The following RCOR1 variants were observed in gnomAD, a reference collection of about 807,000 sequenced individuals.
RCOR1 encodes REST corepressor.
RCOR1 carries 12 observed loss-of-function variants against 64.0 expected under a neutral mutation model. The ratio of observed to expected loss-of-function variants is 0.19; its 90% CI spans 0.12 to 0.30. The LOEUF is 0.30. Ranked by LOEUF, RCOR1 falls within the 10% of genes least tolerant of loss-of-function variation. The probability of loss-of-function intolerance (pLI) is 1.00; values close to 1 mark genes in which losing one functional copy is unlikely to be tolerated. For synonymous variants in RCOR1, 279 were observed against 227.2 expected, an observed-to-expected ratio of 1.23 and a Z score of -2.05; for missense variants, 502 against 621.2, an observed-to-expected ratio of 0.81 and a Z score of 2.04.
chr14:102,724,721 A>G (rs114366283), intron 11 of RCOR1, among the ~76,000 whole-genome samples: 1 of 152,304 alleles, frequency 6.6e-6, no homozygotes, highest in African/African-American at 2.4e-5. Flanking sequence ...GTTAGTTTGC[A>G]GAAGGAAATT....
intron 2 of RCOR1, among the ~76,000 whole-genome samples, chr14:102,673,705 T>TC (rs1895081121): frequency 6.6e-6 from 1 of 152,076 alleles, no homozygotes; most frequent in African/African-American, 2.4e-5. Context: ...AACCTCCGCC[T>TC]CCCGGGTTCA....
At chr14:102,722,932 A>G (rs140697733) in intron 11 of RCOR1, among the ~76,000 whole-genome samples, 2 of 152,330 alleles carry the variant, frequency 1.3e-5, no homozygotes, top group Non-Finnish European at 2.9e-5. Flanking sequence ...TGATGGGGAC[A>G]GTTCTGTGGC....
chr14:102,711,081 A>G (rs1033827108), intron 7 of RCOR1, 68 bp downstream of exon 7: 1 of 1,067,540 alleles, frequency 9.4e-7, no homozygotes, highest in Admixed American at 2.3e-5. Flanking sequence ...TAAAACATTC[A>G]TGTTGCTTGT....
At position 102,706,868 on chromosome 14, in the gene RCOR1, A is replaced by C. The variant is rs1443303820; in HGVS notation, c.499-483A>C. Among the ~76,000 whole-genome samples the C allele has an allele frequency of 5.3e-5, 8 of 151,738 alleles. No homozygotes were observed. In the East Asian group the frequency reaches 1.5e-3, roughly 29 times the overall value. On this transcript the variant is annotated intron_variant, in intron 4 of 11. Transcript: ENST00000262241. ...TAATAAATTTTTTAAAATTTATTTT[A>C]GAAGAATTATTTATAGTTTCTCTGT...
intron 7 of RCOR1, among the ~76,000 whole-genome samples, chr14:102,712,971 T>TTTTG (rs1895992230): frequency 9.1e-6 from 1 of 109,982 alleles, no homozygotes; most frequent in Non-Finnish European, 1.8e-5. Context: ...TTTTTTTTTT[T>TTTTG]GGAGATGGAG....
At chr14:102,657,533 CT>C in intron 2 of RCOR1, 4 of 983,282 alleles carry the variant, frequency 4.1e-6, no homozygotes, top group Non-Finnish European at 4.8e-6. Context: ...TACATGTTTA[CT>C]CTCAAGATCT....
At chr14:102,674,718 T>C (rs934636246) in intron 2 of RCOR1, among the ~76,000 whole-genome samples, 1 of 152,188 alleles carries the variant, frequency 6.6e-6, no homozygotes, top group African/African-American at 2.4e-5. Context: ...TGCAGTTTCC[T>C]TGTAGACCTA....
At chr14:102,671,755 A>C (rs1049551426) in intron 2 of RCOR1, among the ~76,000 whole-genome samples, 1 of 152,228 alleles carries the variant, frequency 6.6e-6, no homozygotes, top group Non-Finnish European at 1.5e-5. Flanking sequence ...TTTTCGGTAT[A>C]TTCAGAGTTG....
At chr14:102,603,659 T>G (rs1422050146) in intron 2 of RCOR1, among the ~76,000 whole-genome samples, 1 of 150,486 alleles carries the variant, frequency 6.6e-6, no homozygotes, top group Non-Finnish European at 1.5e-5. Flanking sequence ...CTTGCTCTGT[T>G]GCCCAGGCTG....
At chr14:102,618,416 A>G (rs1318892343) in intron 2 of RCOR1, among the ~76,000 whole-genome samples, 1 of 152,012 alleles carries the variant, frequency 6.6e-6, no homozygotes, top group Non-Finnish European at 1.5e-5. Context: ...GCTGCAGACC[A>G]ACCTAGGCAA....
At chr14:102,655,846 A>T (rs1894711212) in intron 2 of RCOR1, 1 of 376,486 alleles carries the variant, frequency 2.7e-6, no homozygotes, top group South Asian at 1.1e-4. Context: ...CCAGCTACTC[A>T]GGAGGCTGAG....
chr14:102,718,349 C>T (rs1202541927), intron 8 of RCOR1, among the ~76,000 whole-genome samples: 1 of 152,160 alleles, frequency 6.6e-6, no homozygotes. Flanking sequence ...ACCGGAAGCT[C>T]CTTAGCTGAA....
chr14:102,622,107 A>G (rs1893886941), intron 2 of RCOR1, among the ~76,000 whole-genome samples: 1 of 152,208 alleles, frequency 6.6e-6, no homozygotes. Flanking sequence ...GAAACAGTGG[A>G]AAATCATCTG....
intron 2 of RCOR1, among the ~76,000 whole-genome samples, chr14:102,627,398 C>T (rs990592850): frequency 6.6e-6 from 1 of 152,124 alleles, no homozygotes; most frequent in East Asian, 1.9e-4. Context: ...GGCTCACGCC[C>T]GTAATCCCAA....
At chr14:102,623,193 T>G (rs1893909461) in intron 2 of RCOR1, among the ~76,000 whole-genome samples, 2 of 152,120 alleles carry the variant, frequency 1.3e-5, no homozygotes, top group African/African-American at 4.8e-5. Context: ...TAGATCTAAC[T>G]CAGAGATTTC....
intron 3 of RCOR1, among the ~76,000 whole-genome samples, chr14:102,684,844 G>A (rs1895382969): frequency 6.6e-6 from 1 of 152,084 alleles, no homozygotes; most frequent in African/African-American, 2.4e-5. Context: ...GCTTATAAAG[G>A]TTTTAAATAA....
rs1286329433 is a variant in RCOR1, at chr14:102,726,783, G to A, written c.*277G>A. On this transcript the variant is annotated 3_prime_UTR_variant, in exon 12 of 12. Coordinates refer to ENST00000262241, the MANE Select transcript of RCOR1 (RefSeq NM_015156.4). ...CACATCTCTTGTGACTCTGGGAACC[G>A]CCTCTCCCGCCGGAGCCCCCGAGCC... 4.2e-5 allele frequency: 18 copies of A among 423,642 alleles called. No individual in the cohort carries two copies. The highest frequency in any genetic ancestry group is 5.8e-5 in the Non-Finnish European group (14 of 240,698). 26.2% of individuals were successfully genotyped at this position (423,642 alleles called of 1,614,324 possible). A position where few individuals can be genotyped will look rare whatever the true frequency, so the allele number is the denominator to read the frequency against.
intron 4 of RCOR1, among the ~76,000 whole-genome samples, chr14:102,704,270 G>A (rs920660827): frequency 6.6e-6 from 1 of 152,228 alleles, no homozygotes; most frequent in Non-Finnish European, 1.5e-5. Flanking sequence ...GAAGATGACA[G>A]TAACCTGCAC....
At chr14:102,701,357 C>A (rs1895755571) in intron 4 of RCOR1, 27 bp downstream of exon 4, 1 of 1,532,426 alleles carries the variant, frequency 6.5e-7, no homozygotes, top group African/African-American at 1.4e-5. Context: ...CTTTCTTTTG[C>A]TGTTAAAAAA....
Sources: allele counts gnomAD v4.1 joint callset (sites outside exome capture counted in the v4.1 genomes callset), GRCh38; gene constraint gnomAD v4.1.1; transcripts MANE v1.5; gene names NCBI Gene and HGNC (gene_info 2026-07-23, HGNC 2026-07-21).